ERI1: variants seen among roughly 807,000 people sequenced by gnomAD.
The protein encoded by ERI1 is 3'-5' exoribonuclease 1.
Under a neutral mutation model 39.7 loss-of-function variants are expected in ERI1, and 39 were observed. The ratio of observed to expected loss-of-function variants is 0.98; its 90% CI spans 0.76 to 1.28. ERI1 has a LOEUF of 1.28. ERI1 is among the 50% of genes most tolerant of loss of function. The pLI is 0.00. For missense variants in ERI1, 581 were observed against 416.9 expected (o/e 1.39, Z -3.43); for synonymous variants, 204 against 149.6 (o/e 1.36, Z -2.65).
intron 3 of ERI1, among the ~76,000 whole-genome samples, chr8:9,056,991 C>T (rs1391246223): frequency 1.3e-5 from 2 of 152,030 alleles, no homozygotes; most frequent in Non-Finnish European, 2.9e-5. Context: ...CACCACCATA[C>T]CTGGTTAATT....
intron 3 of ERI1, among the ~76,000 whole-genome samples, chr8:9,014,762 A>G (rs544637261): frequency 1.3e-5 from 2 of 152,230 alleles, no homozygotes; most frequent in Non-Finnish European, 2.9e-5. Context: ...TATCTGTGAT[A>G]TGCAGTTAAG....
At position 9,030,117 on chromosome 8, in the gene ERI1, G is replaced by T. The variant is rs1797483079; in HGVS notation, c.*83G>T. ...AATCTCATTGAATTAGTCCTGTAGT[G>T]CAAACTTTAAGCACCTTAAAACATT... On this transcript the variant is annotated 3_prime_UTR_variant, in exon 7 of 7. Coordinates refer to ENST00000250263, the MANE Select transcript of ERI1 (RefSeq NM_153332.4). 9.7e-6 allele frequency: 15 copies of T among 1,548,654 alleles called. No homozygotes were observed. In the Admixed American group the frequency reaches 2.6e-4, roughly 27 times the overall value.
chr8:9,075,243 G>C (rs573281057), intron 3 of ERI1, among the ~76,000 whole-genome samples: 1 of 152,166 alleles, frequency 6.6e-6, no homozygotes, highest in African/African-American at 2.4e-5. Flanking sequence ...TTTCAGTTTT[G>C]CAAGCAAGGT....
intron 3 of ERI1, among the ~76,000 whole-genome samples, chr8:9,067,653 T>TAAA (rs573247378): frequency 4.1e-5 from 5 of 121,172 alleles, no homozygotes; most frequent in Non-Finnish European, 5.0e-5. Context: ...AGAACCTTTC[T>TAAA]AAAAAAAAAA....
Position 9,046,193 on chromosome 8 carries a change from A to T in ERI1, n.299+25729A>T, listed in dbSNP as rs79461690. On this transcript the variant is annotated intron_variant and non_coding_transcript_variant, in intron 3 of 3. Coordinates refer to the ERI1 transcript ENST00000518663. ...CCATTGGTCTTGCTGATGGAATGTG[A>T]CCAGTGAGGTTCTCTGTCCTGAGAA... Among the ~76,000 whole-genome samples, 254 of 152,318 alleles carry T rather than the reference A, an allele frequency of 1.7e-3. 10 individuals are homozygous for T. In the East Asian group the frequency reaches 0.042, roughly 25 times the overall value.
rs527806774 is a variant in ERI1, at chr8:9,057,414, G to A, written n.299+36950G>A. On this transcript the variant is annotated intron_variant and non_coding_transcript_variant, in intron 3 of 3. Coordinates refer to the ERI1 transcript ENST00000518663. Reference sequence around the variant, plus strand: ...TGCAGAATGAAACGCACTAGGGACTGGCAACAACTCCAATCGCCACCTAGA... The same window carrying A: ...TGCAGAATGAAACGCACTAGGGACTAGCAACAACTCCAATCGCCACCTAGA... 2.6e-5 allele frequency among the ~76,000 whole-genome samples: 4 copies of A among 152,240 alleles called. No homozygotes were observed. The South Asian group carries it at 8.3e-4, about 32-fold the overall frequency.
chr8:9,016,367 C>T lies in ERI1; in HGVS notation c.544C>T (p.Leu182=). ...QYVRPEINTQ[L]SDFCISLTGI... is the part of the protein sequence containing the mutation. ...TGTAAGACCAGAGATTAACACACAG[C>T]TGTCTGATTTCTGCATCAGTCTAAC... Residue 182 remains leucine (L), a synonymous_variant, in exon 4 of 7, where the codon CTG becomes TTG. Transcript: ENST00000250263. 1 of 1,608,048 alleles carries T rather than the reference C, an allele frequency of 6.2e-7. No homozygotes were observed. The highest frequency in any genetic ancestry group is 8.5e-7 in the Non-Finnish European group (1 of 1,176,804).
Position 9,011,558 on chromosome 8 carries a change from C to A in ERI1, c.304C>A (p.Leu102Ile), listed in dbSNP as rs1356528605. 6 of 1,608,476 alleles carry A rather than the reference C, an allele frequency of 3.7e-6. No individual in the cohort carries two copies. The highest frequency in any genetic ancestry group is 5.1e-6 in the Non-Finnish European group (6 of 1,177,492). ...KLETRGVKDVLKKRLKNYYKK... is the reference protein window; with the variant it reads ...KLETRGVKDVIKKRLKNYYKK... ...TCTACTTAGAGGAGTAAAGGATGTT[C>A]TAAAGAAGAGACTGAAAAACTATTA... The change falls in exon 3 of 7, where the codon CTA (leucine) becomes ATA (isoleucine). Residue 102 changes from leucine (L) to isoleucine (I), a missense_variant. Physicochemically the swap from Leu to Ile is conservative, Grantham distance 5. Coordinates refer to ENST00000250263, the MANE Select transcript of ERI1 (RefSeq NM_153332.4).
chr8:9,042,991 G>A (rs1798072217), intron 3 of ERI1, among the ~76,000 whole-genome samples: 2 of 152,210 alleles, frequency 1.3e-5, no homozygotes, highest in Admixed American at 1.3e-4. Flanking sequence ...GAAGAAAGGT[G>A]TGGCTGCACT....
At chr8:9,092,103 C>T (rs558622775) in intron 3 of ERI1, among the ~76,000 whole-genome samples, 25 of 152,214 alleles carry the variant, frequency 1.6e-4, no homozygotes, top group Non-Finnish European at 2.8e-4. Flanking sequence ...ACTACAGGCA[C>T]GTGCCACCAC....
intron 3 of ERI1, 52 bp from the exon 4 acceptor site, chr8:9,016,270 C>G: frequency 8.8e-7 from 1 of 1,136,276 alleles, no homozygotes; most frequent in Non-Finnish European, 1.3e-6. Flanking sequence ...TATCATGTAT[C>G]GTGTATCTTA....
At chr8:9,067,218 G>C (rs1798906079) in intron 3 of ERI1, among the ~76,000 whole-genome samples, 1 of 152,100 alleles carries the variant, frequency 6.6e-6, no homozygotes, top group Non-Finnish European at 1.5e-5. Context: ...TACACATGAA[G>C]TATGTTATAC....
intron 6 of ERI1, among the ~76,000 whole-genome samples, chr8:9,025,259 A>T (rs113040234): frequency 1.3e-5 from 2 of 152,128 alleles, no homozygotes; most frequent in African/African-American, 4.8e-5. Flanking sequence ...AGCTTTCCTC[A>T]CTTGATATCA....
chr8:9,047,535 G>C (rs1475433708), intron 3 of ERI1, among the ~76,000 whole-genome samples: 1 of 151,906 alleles, frequency 6.6e-6, no homozygotes, highest in Non-Finnish European at 1.5e-5. Context: ...TTTAAAATTA[G>C]CCAGGCTAAT....
intron 6 of ERI1, among the ~76,000 whole-genome samples, chr8:9,027,497 A>G (rs576637194): frequency 6.6e-6 from 1 of 152,116 alleles, no homozygotes; most frequent in Admixed American, 6.6e-5. Flanking sequence ...GATGAAGTCT[A>G]CTTTATTTTT....
intron 2 of ERI1, among the ~76,000 whole-genome samples, chr8:9,009,335 C>T (rs1279361739): frequency 6.6e-6 from 1 of 152,016 alleles, no homozygotes; most frequent in Admixed American, 6.6e-5. Context: ...CATGAGAATA[C>T]AGAGGAGAAT....
intron 3 of ERI1, among the ~76,000 whole-genome samples, chr8:9,094,892 G>A (rs1389726621): frequency 6.6e-6 from 1 of 152,146 alleles, no homozygotes; most frequent in Non-Finnish European, 1.5e-5. Flanking sequence ...TAGCTAGTAT[G>A]TATATGTGTT....
At chr8:9,050,101 G>A (rs1295134273) in intron 3 of ERI1, among the ~76,000 whole-genome samples, 1 of 151,708 alleles carries the variant, frequency 6.6e-6, no homozygotes, top group Non-Finnish European at 1.5e-5. Flanking sequence ...TCACAGTGAT[G>A]TTTTAAGGAT....
chr8:9,026,391 T>C (rs182099502), intron 6 of ERI1, among the ~76,000 whole-genome samples: 6 of 152,268 alleles, frequency 3.9e-5, no homozygotes, highest in Non-Finnish European at 8.8e-5. Flanking sequence ...CTGTTGAACT[T>C]CCCCTTCCTG....
Sources: allele counts gnomAD v4.1 joint callset (sites outside exome capture counted in the v4.1 genomes callset), GRCh38; gene constraint gnomAD v4.1.1; transcripts MANE v1.5; gene names NCBI Gene and HGNC (gene_info 2026-07-23, HGNC 2026-07-21).